CCNL1: variants seen among roughly 807,000 people sequenced by gnomAD.
CCNL1 encodes the protein cyclin L1.
CCNL1 carries 13 observed loss-of-function variants against 60.6 expected under a neutral mutation model. That is an observed-to-expected ratio of 0.21 (90% CI 0.14 to 0.34). The LOEUF is 0.34. CCNL1 is among the 10% of genes least tolerant of loss of function. The pLI is 1.00. For missense variants in CCNL1, 481 were observed against 664.3 expected, an observed-to-expected ratio of 0.72 and a Z score of 3.03; for synonymous variants, 270 against 244.3, an observed-to-expected ratio of 1.10 and a Z score of -0.98.
chr3:157,147,785 A>G lies in CCNL1; in HGVS notation c.*456T>C. 2 of 980,346 alleles carry G rather than the reference A, an allele frequency of 2.0e-6. No individual in the cohort carries two copies. Among genetic ancestry groups the G allele is most frequent in the Non-Finnish European group, 2.4e-6 (2 of 825,020 alleles). The allele number at this position is 980,346 out of a possible 1,614,324, so 60.7% of individuals were successfully genotyped here. A position where few individuals can be genotyped will look rare whatever the true frequency, so the allele number is the denominator to read the frequency against. Reference sequence around the variant, plus strand: ...TTTTAATAATTTATTTAAATAAGGTATTTGAAGCAGTTTAGAAAAAACAAG... The same window carrying G: ...TTTTAATAATTTATTTAAATAAGGTGTTTGAAGCAGTTTAGAAAAAACAAG... On this transcript the variant is annotated 3_prime_UTR_variant, in exon 11 of 11. Coordinates refer to ENST00000295926, the MANE Select transcript of CCNL1 (RefSeq NM_020307.4).
chr3:157,147,304 T>C (rs1737817096), downstream of CCNL1, among the ~76,000 whole-genome samples: 1 of 152,214 alleles, frequency 6.6e-6, no homozygotes, highest in Admixed American at 6.5e-5. Flanking sequence ...GGATAGAAAT[T>C]CCGGCTTTTT....
chr3:157,145,466 C>CAAAAAAAAAA (rs1737755942), downstream of CCNL1, among the ~76,000 whole-genome samples: 44 of 88,956 alleles, frequency 4.9e-4, 1 homozygote, highest in African/African-American at 1.5e-3. Flanking sequence ...AAAAAAAAAC[C>CAAAAAAAAAA]AAAACGGGAT....
intron 3 of CCNL1, 189 bp from the exon 4 acceptor site, chr3:157,153,345 C>T: frequency 2.0e-6 from 1 of 488,820 alleles, no homozygotes; most frequent in Non-Finnish European, 3.6e-6. Flanking sequence ...ATCTACGAGA[C>T]TAAGTTCCTA....
downstream of CCNL1, among the ~76,000 whole-genome samples, chr3:157,145,459 AAAAAACC>A (rs1316689405): frequency 6.1e-5 from 9 of 148,016 alleles, no homozygotes; most frequent in African/African-American, 2.3e-4. Context: ...AAAAAAAAAA[AAAAAACC>A]AAAACGGGAT....
Position 157,159,391 on chromosome 3 carries a change from T to A in CCNL1, c.378+14A>T, listed in dbSNP as rs1738883822. 6.2e-7 allele frequency: 1 copy of A among 1,613,502 alleles called. No individual in the cohort carries two copies. Among genetic ancestry groups the A allele is most frequent in the Non-Finnish European group, 8.5e-7 (1 of 1,179,484 alleles). Reference sequence around the variant, plus strand: ...GATGAAGAAATCCCTTTTACCCGCCTCCGCTGTGCTTACCTCGAAACTGTG... The same window carrying A: ...GATGAAGAAATCCCTTTTACCCGCCACCGCTGTGCTTACCTCGAAACTGTG... On this transcript the variant is annotated intron_variant, in intron 2 of 10. Coordinates refer to ENST00000295926, the MANE Select transcript of CCNL1 (RefSeq NM_020307.4).
chr3:157,145,014 T>C (rs938015784), downstream of CCNL1, among the ~76,000 whole-genome samples: 16 of 152,194 alleles, frequency 1.1e-4, no homozygotes, highest in African/African-American at 3.9e-4. Context: ...GTTCTAAGAA[T>C]TAGTCATTTT....
downstream of CCNL1, among the ~76,000 whole-genome samples, chr3:157,147,095 C>T (rs1737810016): frequency 6.6e-6 from 1 of 152,096 alleles, no homozygotes; most frequent in Non-Finnish European, 1.5e-5. Context: ...ATACATCTTC[C>T]TCTTTGTGGG....
chr3:157,152,453 C>G, intron 4 of CCNL1: 1 of 1,261,026 alleles, frequency 7.9e-7, no homozygotes, highest in Non-Finnish European at 1.0e-6. Context: ...CAAAATTGTA[C>G]AGGAAAAAAG....
chr3:157,150,951 TA>T, intron 5 of CCNL1: 1 of 984,520 alleles, frequency 1.0e-6, no homozygotes, highest in Non-Finnish European at 1.2e-6. Context: ...CTTGTTTACA[TA>T]CCTTTTTTGT....
chr3:157,149,526 T>C lies in CCNL1; in HGVS notation c.1092A>G (p.Glu364=). Residue 364 remains glutamate, a synonymous_variant, in exon 9 of 11, where the codon GAA becomes GAG. Transcript: ENST00000295926. The part of the protein sequence containing the change: ...ISINVKTVKK[E]PEDRQQASKS... Reference sequence around the variant, plus strand: ...TGGAAGCCTGTTGTCTATCCTCAGGTTCTTTTTTGACTGTCTTCACATTAA... The same window carrying C: ...TGGAAGCCTGTTGTCTATCCTCAGGCTCTTTTTTGACTGTCTTCACATTAA... 2.5e-6 allele frequency: 4 copies of C among 1,614,124 alleles called. No individual in the cohort carries two copies. The highest frequency in any genetic ancestry group is 3.4e-6 in the Non-Finnish European group (4 of 1,180,000).
At chr3:157,158,132 G>A (rs1019859611) in intron 3 of CCNL1, among the ~76,000 whole-genome samples, 4 of 152,128 alleles carry the variant, frequency 2.6e-5, no homozygotes, top group African/African-American at 9.7e-5. Flanking sequence ...GAACACATAG[G>A]TCCACATAAA....
At chr3:157,157,586 C>G (rs1221927752) in intron 3 of CCNL1, among the ~76,000 whole-genome samples, 1 of 152,186 alleles carries the variant, frequency 6.6e-6, no homozygotes, top group African/African-American at 2.4e-5. Flanking sequence ...GATTTAACCT[C>G]AGACCATACC....
chr3:157,159,861 AC>A lies in CCNL1; in HGVS notation c.233del (p.Ser78MetfsTer69). On this transcript the variant is annotated frameshift_variant, in exon 1 of 11. Coordinates refer to ENST00000295926, the MANE Select transcript of CCNL1 (RefSeq NM_020307.4). LOFTEE classifies it high-confidence loss of function. ...PSMQDGLDLP[S>X]ETDLRILGCE... ...AGCCCAGGATGCGTAAGTCCGTCTC[AC>A]TGGGCAGGTCGAGCCCATCCTGCAT... 1 of 1,584,098 alleles carries A rather than the reference AC, an allele frequency of 6.3e-7. No homozygotes were observed.
intron 8 of CCNL1, 76 bp from the exon 9 acceptor site, chr3:157,149,672 C>CA (rs1738021366): frequency 1.3e-6 from 2 of 1,487,268 alleles, no homozygotes; most frequent in Middle Eastern, 4.0e-4. Context: ...AAATGTAACT[C>CA]AAAGTACCAT....
Position 157,160,114 on chromosome 3 carries a change from C to T in CCNL1, c.-20G>A, listed in dbSNP as rs1481855938. On this transcript the variant is annotated 5_prime_UTR_variant, in exon 1 of 11. Transcript: ENST00000295926. The stretch of plus-strand genomic sequence containing the variant: ...CGCCATAGTCTTAGCGAGCCGCACG[C>T]AAGCCCAACGCAGCCGGAACCCGAA... 1 of 1,532,556 alleles carries T rather than the reference C, an allele frequency of 6.5e-7. No individual in the cohort carries two copies. The highest frequency in any genetic ancestry group is 2.4e-5 in the East Asian group (1 of 40,820). The allele number at this position is 1,532,556 out of a possible 1,614,324, so 94.9% of individuals were successfully genotyped here.
rs75627444 is a variant in CCNL1 at position 157,157,337 on chromosome 3, T to C, written c.488+1529A>G. 5.3e-5 allele frequency among the ~76,000 whole-genome samples: 8 copies of C among 152,310 alleles called. No individual in the cohort carries two copies. In the East Asian group the frequency reaches 1.5e-3, roughly 29 times the overall value. The stretch of plus-strand genomic sequence containing the variant: ...ACAACAATCAGGTGAGATTATATTA[T>C]TTTAAATTCCATGGTTTTTACAGTT... On this transcript the variant is annotated intron_variant, in intron 3 of 10. Transcript: ENST00000295926.
In CCNL1 at chr3:157,159,623, C is replaced by A. The variant is rs749715849; in HGVS notation, c.304-144G>T. On this transcript the variant is annotated intron_variant, in intron 1 of 10. Transcript: ENST00000295926. ...ACAGCCCGCTGCCAAGTCCTCCCTC[C>A]GCCTCCGCAGCCCCCCGCCCCGGCA... is the stretch of plus-strand genomic sequence containing the variant. 2.5e-4 allele frequency: 252 copies of A among 993,530 alleles called. 3 individuals carry two copies. Among genetic ancestry groups the A allele is most frequent in the Non-Finnish European group, 3.0e-4 (208 of 686,810 alleles). The allele number at this position is 993,530 out of a possible 1,614,324, so 61.5% of individuals were successfully genotyped here. A position where few individuals can be genotyped will look rare whatever the true frequency, so the allele number is the denominator to read the frequency against.
At chr3:157,154,659 C>T (rs1738460251) in intron 3 of CCNL1, 1 of 152,124 alleles carries the variant, frequency 6.6e-6, no homozygotes, top group African/African-American at 2.4e-5. Context: ...TACTTTCTTC[C>T]ATTTAAAATT....
chr3:157,159,722 ACT>A lies in CCNL1; in HGVS notation c.303+68_303+69del. ...CCCCACCCTCCCGGGGCACGGTGATACTGAGATGCGGCGTAGGGGACGGAGGA... is the reference window on the plus strand; with the variant it reads ...CCCCACCCTCCCGGGGCACGGTGATAGAGATGCGGCGTAGGGGACGGAGGA... On this transcript the variant is annotated intron_variant, in intron 1 of 10. Coordinates refer to ENST00000295926, the MANE Select transcript of CCNL1 (RefSeq NM_020307.4). 6 of 1,329,672 alleles carry A rather than the reference ACT, an allele frequency of 4.5e-6. No individual in the cohort carries two copies. The South Asian group carries it at 8.7e-5, about 19-fold the overall frequency. The allele number at this position is 1,329,672 out of a possible 1,614,324, so 82.4% of individuals were successfully genotyped here.
Sources: allele counts gnomAD v4.1 joint callset (sites outside exome capture counted in the v4.1 genomes callset), GRCh38; gene constraint gnomAD v4.1.1; transcripts MANE v1.5; gene names NCBI Gene and HGNC (gene_info 2026-07-23, HGNC 2026-07-21).